Variants in SYN3 observed in about 807,000 individuals in gnomAD.
The protein encoded by SYN3 is synapsin-3.
A neutral mutation model predicts 65.8 loss-of-function variants in SYN3; 35 were observed. The observed-to-expected ratio is 0.53, with a 90% confidence interval of 0.41 to 0.70. The LOEUF is 0.70. Ranked by LOEUF, SYN3 falls within the 30% of genes least tolerant of loss-of-function variation. SYN3 has a pLI of 0.00. For synonymous variants in SYN3, 270 were observed against 292.9 expected, an observed-to-expected ratio of 0.92 and a Z score of 0.80; for missense variants, 680 against 749.0, an observed-to-expected ratio of 0.91 and a Z score of 1.08.
intron 9 of SYN3, among the ~76,000 whole-genome samples, chr22:32,535,321 A>G (rs915743082): frequency 6.6e-6 from 1 of 152,232 alleles, no homozygotes; most frequent in Non-Finnish European, 1.5e-5. Flanking sequence ...AAAATGGGAA[A>G]GCCTAGATCT....
chr22:32,791,654 C>T (rs142287433), intron 6 of SYN3, among the ~76,000 whole-genome samples: 3 of 151,162 alleles, frequency 2.0e-5, no homozygotes, highest in East Asian at 2.0e-4. Context: ...CTCTGGCTTC[C>T]AATTCCAGCA....
Position 32,528,964 on chromosome 22 carries a change from C to T in SYN3, c.1140G>A (p.Glu380=). The T allele has an allele frequency of 1.9e-6, 3 of 1,614,062 alleles. No individual in the cohort carries two copies. The highest frequency in any genetic ancestry group is 1.3e-5 in the African/African-American group (1 of 75,044). The change falls in exon 11 of 14, where the codon GAG becomes GAA. Residue 380 remains glutamate, a synonymous_variant. Coordinates refer to ENST00000358763, the MANE Select transcript of SYN3 (RefSeq NM_003490.4). The part of the protein sequence containing the change: ...SMPLIGEHVE[E]DRQLMADLVV... ...CAAGGTCGGCCATCAGCTGTCTGTC[C>T]TCTTCCACATGCTCTCCAATCAGCG...
chr22:32,714,981 C>A (rs912581859), intron 6 of SYN3, among the ~76,000 whole-genome samples: 1 of 152,058 alleles, frequency 6.6e-6, no homozygotes, highest in Non-Finnish European at 1.5e-5. Context: ...CAACTTTCCC[C>A]GAAGTATGTT....
chr22:33,056,418 GCCAGAGTGTTGGTTACC>G (rs1217663303), intron 1 of SYN3, among the ~76,000 whole-genome samples: 4 of 152,186 alleles, frequency 2.6e-5, no homozygotes, highest in African/African-American at 9.6e-5. Context: ...ATGTCCAGCT[GCCAGAGTGTTGGTTACC>G]CCAGCTCCCA....
intron 6 of SYN3, among the ~76,000 whole-genome samples, chr22:32,749,515 C>A (rs2045046858): frequency 6.6e-6 from 1 of 152,002 alleles, no homozygotes; most frequent in Non-Finnish European, 1.5e-5. Context: ...ATGATGGGTG[C>A]CTGTAATACA....
intron 2 of SYN3, among the ~76,000 whole-genome samples, chr22:32,990,838 G>A (rs2052692296): frequency 1.3e-5 from 2 of 151,996 alleles, no homozygotes. Flanking sequence ...ACTGGAGGTG[G>A]GGAGTTCGAA....
chr22:32,650,846 G>A (rs1399159456), intron 6 of SYN3, among the ~76,000 whole-genome samples: 2 of 152,200 alleles, frequency 1.3e-5, no homozygotes, highest in African/African-American at 4.8e-5. Flanking sequence ...CCCAGCATTA[G>A]AGACGGCCAA....
intron 6 of SYN3, chr22:32,859,690 C>T (rs1060198): frequency 3.1e-6 from 1 of 327,798 alleles, no homozygotes; most frequent in Non-Finnish European, 5.6e-6. Context: ...TTTAGGAAAA[C>T]AAAAATGAAA....
chr22:32,593,016 A>G (rs1183671842), intron 7 of SYN3, among the ~76,000 whole-genome samples: 1 of 152,198 alleles, frequency 6.6e-6, no homozygotes, highest in Admixed American at 6.5e-5. Flanking sequence ...TTCTTCTAGG[A>G]ACGTTCTCTT....
At chr22:32,887,135 G>C (rs2049316041) in intron 4 of SYN3, among the ~76,000 whole-genome samples, 1 of 152,172 alleles carries the variant, frequency 6.6e-6, no homozygotes, top group Non-Finnish European at 1.5e-5. Context: ...CCAGTACTTT[G>C]GGAGGTCAAG....
chr22:32,556,808 T>G lies in SYN3; in HGVS notation c.775-15095A>C, dbSNP rs1204220491. Among the ~76,000 whole-genome samples the G allele has an allele frequency of 7.3e-3, 271 of 36,954 alleles. 46 individuals are homozygous for G. The highest frequency in any genetic ancestry group is 0.016 in the African/African-American group (232 of 14,554). 24.2% of individuals were successfully genotyped at this position (36,954 alleles called of 152,430 possible). ...ACCCAATCTATAGGTTTCCTGGTTT[T>G]TTTTTTTTTTTTTTTTTTTTTTTTT... On this transcript the variant is annotated intron_variant, in intron 7 of 13. Transcript: ENST00000358763.
chr22:32,761,273 T>C (rs1202370091), intron 6 of SYN3, among the ~76,000 whole-genome samples: 1 of 152,226 alleles, frequency 6.6e-6, no homozygotes. Context: ...ACTAGTTGAT[T>C]ACCAAAAGCT....
chr22:32,807,511 C>T (rs2046797065), intron 6 of SYN3, among the ~76,000 whole-genome samples: 1 of 144,842 alleles, frequency 6.9e-6, no homozygotes, highest in Non-Finnish European at 1.5e-5. Context: ...TACTATGTGC[C>T]AGGCATTATT....
intron 1 of SYN3, among the ~76,000 whole-genome samples, chr22:33,051,831 A>AAGG (rs2054172035): frequency 6.6e-6 from 1 of 152,158 alleles, no homozygotes; most frequent in African/African-American, 2.4e-5. Context: ...CAGACAATAT[A>AAGG]AGGAGGAACC....
intron 6 of SYN3, among the ~76,000 whole-genome samples, chr22:32,815,623 A>G (rs1000511330): frequency 2.3e-4 from 35 of 152,226 alleles, no homozygotes; most frequent in Non-Finnish European, 3.8e-4. Flanking sequence ...AGATCTTTAT[A>G]TACATATATA....
At chr22:33,014,456 C>T (rs2053421021) in intron 1 of SYN3, 1 of 152,214 alleles carries the variant, frequency 6.6e-6, no homozygotes, top group South Asian at 2.1e-4. Context: ...TTCTGAGGAA[C>T]CTCCATGCCG....
chr22:32,519,014 C>T (rs955198543), intron 12 of SYN3, among the ~76,000 whole-genome samples: 2 of 152,154 alleles, frequency 1.3e-5, no homozygotes, highest in East Asian at 1.9e-4. Context: ...AAAGGACACA[C>T]GAGGATACAC....
intron 6 of SYN3, among the ~76,000 whole-genome samples, chr22:32,850,637 C>T (rs1386512078): frequency 2.0e-5 from 3 of 152,140 alleles, no homozygotes; most frequent in Non-Finnish European, 4.4e-5. Flanking sequence ...ATGTGTGTGA[C>T]TCATCAGAAG....
intron 6 of SYN3, among the ~76,000 whole-genome samples, chr22:32,690,003 C>T (rs2060641324): frequency 6.6e-6 from 1 of 152,104 alleles, no homozygotes; most frequent in South Asian, 2.1e-4. Flanking sequence ...TGGTCAAACC[C>T]CGTCTCTACT....
Sources: allele counts gnomAD v4.1 joint callset (sites outside exome capture counted in the v4.1 genomes callset), GRCh38; gene constraint gnomAD v4.1.1; transcripts MANE v1.5; gene names NCBI Gene and HGNC (gene_info 2026-07-23, HGNC 2026-07-21).